The following CAMTA1 variants were observed in gnomAD, a reference collection of about 807,000 sequenced individuals.
CAMTA1 encodes the protein calmodulin binding transcription activator 1.
A neutral mutation model predicts 170.9 loss-of-function variants in CAMTA1; 27 were observed. That is an observed-to-expected ratio of 0.16 (90% CI 0.12 to 0.22). CAMTA1 has a LOEUF of 0.22. CAMTA1 is among the 10% of genes least tolerant of loss of function. The pLI is 1.00. For synonymous variants in CAMTA1, 833 were observed against 891.5 expected (o/e 0.93, Z 1.17); for missense variants, 1,619 against 2,217.2 (o/e 0.73, Z 5.42).
chr1:7,666,327 G>A (rs2096001494), intron 9 of CAMTA1, among the ~76,000 whole-genome samples: 1 of 152,138 alleles, frequency 6.6e-6, no homozygotes. Context: ...TCCTTCTTAA[G>A]TAAACCTGGC....
chr1:7,353,214 G>A (rs1179313840), intron 5 of CAMTA1, among the ~76,000 whole-genome samples: 1 of 152,104 alleles, frequency 6.6e-6, no homozygotes, highest in Non-Finnish European at 1.5e-5. Flanking sequence ...GGTTGCACCT[G>A]CTCTTCCCTG....
At chr1:7,475,339 C>T (rs60605699) in intron 6 of CAMTA1, among the ~76,000 whole-genome samples, 13,103 of 151,978 alleles carry the variant, frequency 0.086, 749 homozygotes, top group Middle Eastern at 0.15. Context: ...TGAGGCTTGG[C>T]GGGGGGGATT....
intron 3 of CAMTA1, among the ~76,000 whole-genome samples, chr1:6,982,104 C>T (rs955332652): frequency 6.6e-6 from 1 of 152,190 alleles, no homozygotes; most frequent in African/African-American, 2.4e-5. Context: ...ATTTGGATGG[C>T]TGCACAGTGT....
chr1:6,892,337 G>A (rs1365317535), intron 3 of CAMTA1, among the ~76,000 whole-genome samples: 1 of 152,166 alleles, frequency 6.6e-6, no homozygotes, highest in Non-Finnish European at 1.5e-5. Context: ...CAGGCTCTGG[G>A]ATAACTGCGG....
chr1:7,515,389 G>C (rs1032789105), intron 6 of CAMTA1, among the ~76,000 whole-genome samples: 1 of 152,198 alleles, frequency 6.6e-6, no homozygotes, highest in Admixed American at 6.5e-5. Context: ...TCCTGTCCGG[G>C]CTCTGCCTCT....
chr1:7,527,673 G>C (rs2094445773), intron 6 of CAMTA1, among the ~76,000 whole-genome samples: 1 of 152,210 alleles, frequency 6.6e-6, no homozygotes, highest in African/African-American at 2.4e-5. Flanking sequence ...GCACAGCCCA[G>C]GCTCTTCCTC....
Position 7,113,223 on chromosome 1 carries a change from G to C in CAMTA1, c.302+21852G>C, listed in dbSNP as rs1233631445. The stretch of plus-strand genomic sequence containing the variant: ...CCACAGACAGAGGCTGGATCAACAA[G>C]AGGCCCCAGGACCTAGACAGCACCC... On this transcript the variant is annotated intron_variant, in intron 4 of 22. Transcript: ENST00000303635. This position sits in a 1 kb window ranked among gnomAD's most constrained non-coding sequence, Gnocchi z 4.5. Among the ~76,000 whole-genome samples, 1 of 152,232 alleles carries C rather than the reference G, an allele frequency of 6.6e-6. No homozygotes were observed. Among genetic ancestry groups the C allele is most frequent in the Non-Finnish European group, 1.5e-5 (1 of 68,038 alleles).
intron 6 of CAMTA1, among the ~76,000 whole-genome samples, chr1:7,528,430 T>TA (rs1557868059): frequency 5.9e-4 from 90 of 151,916 alleles, no homozygotes; most frequent in African/African-American, 1.9e-3. Flanking sequence ...TTTTGGTTTT[T>TA]TAAAAAAAAA....
At chr1:7,303,381 A>G (rs976617033) in intron 5 of CAMTA1, among the ~76,000 whole-genome samples, 1 of 152,214 alleles carries the variant, frequency 6.6e-6, no homozygotes, top group South Asian at 2.1e-4. Context: ...CTGTATAAAA[A>G]GTCCCCCCTA....
At chr1:7,011,924 C>G (rs1421654450) in intron 3 of CAMTA1, among the ~76,000 whole-genome samples, 1 of 152,182 alleles carries the variant, frequency 6.6e-6, no homozygotes, top group Non-Finnish European at 1.5e-5. Flanking sequence ...CATGTCTCTC[C>G]GCCCCACTCC....
At chr1:7,075,962 C>T (rs1424494285) in intron 3 of CAMTA1, among the ~76,000 whole-genome samples, 1 of 152,144 alleles carries the variant, frequency 6.6e-6, no homozygotes, top group Non-Finnish European at 1.5e-5. Flanking sequence ...CACGCCCGGC[C>T]CAATCTCAGT....
At chr1:6,882,231 T>C (rs1378819533) in intron 3 of CAMTA1, among the ~76,000 whole-genome samples, 2 of 152,208 alleles carry the variant, frequency 1.3e-5, no homozygotes, top group African/African-American at 4.8e-5. Flanking sequence ...TTGTGTGTAT[T>C]ATCTGAGGCC....
At chr1:7,021,417 C>T (rs1050800786) in intron 3 of CAMTA1, among the ~76,000 whole-genome samples, 5 of 152,192 alleles carry the variant, frequency 3.3e-5, no homozygotes, top group African/African-American at 1.2e-4. Context: ...CTGTCTGCTC[C>T]CTTCATGTGC....
intron 5 of CAMTA1, among the ~76,000 whole-genome samples, chr1:7,255,958 T>C (rs1395774672): frequency 6.6e-6 from 1 of 152,300 alleles, no homozygotes; most frequent in Middle Eastern, 3.4e-3. Flanking sequence ...TGAGGTGTCT[T>C]AGTCTCATGA....
At chr1:7,602,178 C>G (rs921579151) in intron 6 of CAMTA1, among the ~76,000 whole-genome samples, 1 of 143,718 alleles carries the variant, frequency 7.0e-6, no homozygotes, top group East Asian at 2.1e-4. Context: ...TTCCCTTCCC[C>G]TCCCCTCGAT....
chr1:7,295,639 A>G (rs142609347), intron 5 of CAMTA1, among the ~76,000 whole-genome samples: 2 of 152,350 alleles, frequency 1.3e-5, no homozygotes, highest in East Asian at 1.9e-4. Context: ...TTTATTCATC[A>G]GTTCAACAAA....
intron 3 of CAMTA1, among the ~76,000 whole-genome samples, chr1:6,952,347 C>T (rs1288190451): frequency 2.9e-5 from 4 of 136,028 alleles, no homozygotes; most frequent in Non-Finnish European, 4.6e-5. Flanking sequence ...AGGAGAAAGG[C>T]GTGAACCTGG....
At chr1:6,885,402 T>G (rs1480227394) in intron 3 of CAMTA1, among the ~76,000 whole-genome samples, 2 of 152,214 alleles carry the variant, frequency 1.3e-5, no homozygotes, top group Non-Finnish European at 2.9e-5. Flanking sequence ...ATTTAAAAAA[T>G]TATTTTCTAT....
At chr1:6,847,948 T>TA (rs919715327) in intron 3 of CAMTA1, among the ~76,000 whole-genome samples, 9 of 151,008 alleles carry the variant, frequency 6.0e-5, no homozygotes, top group African/African-American at 2.2e-4. Flanking sequence ...CCTGACCTCG[T>TA]AATCTGCCTG....
Sources: gnomAD v4.1 joint callset for allele counts (sites outside exome capture counted in the v4.1 genomes callset) on GRCh38, gnomAD v4.1.1 for gene constraint, Gnocchi (gnomAD v3.1) non-coding constraint, MANE v1.5 for transcripts, NCBI Gene and HGNC (gene_info 2026-07-23, HGNC 2026-07-21) for gene names.